Variants in DNAH7 observed in about 807,000 individuals in gnomAD.
The protein encoded by DNAH7 is axonemal beta dynein heavy chain 7.
Under a neutral mutation model 444.6 loss-of-function variants are expected in DNAH7, and 397 were observed. The ratio of observed to expected loss-of-function variants is 0.89; its 90% CI spans 0.82 to 0.97. DNAH7 has a LOEUF of 0.97. Ranked by LOEUF, DNAH7 falls within the 50% of genes least tolerant of loss-of-function variation. The pLI, the probability that DNAH7 is intolerant of heterozygous loss-of-function variation, is 0.00. For missense variants in DNAH7, 4,902 were observed against 4,800.8 expected (o/e 1.02, Z -0.62); for synonymous variants, 1,636 against 1,624.4 (o/e 1.01, Z -0.17).
chr2:196,001,031 A>G, intron 11 of DNAH7, 148 bp from the exon 12 acceptor site: 1 of 561,100 alleles, frequency 1.8e-6, no homozygotes, highest in Non-Finnish European at 2.9e-6. Context: ...TAATAAAAAG[A>G]GCAAGAGTGA....
chr2:195,807,249 T>A (rs1330153088), intron 53 of DNAH7, among the ~76,000 whole-genome samples: 2 of 151,998 alleles, frequency 1.3e-5, no homozygotes, highest in Non-Finnish European at 2.9e-5. Flanking sequence ...CTCTGCCTCC[T>A]GGGTTCAAGC....
chr2:195,890,995 G>A (rs1574681786), intron 31 of DNAH7, among the ~76,000 whole-genome samples: 1 of 152,308 alleles, frequency 6.6e-6, no homozygotes, highest in Middle Eastern at 3.4e-3. Context: ...ATAATCACAT[G>A]CTCTGCAGAA....
chr2:195,928,631 A>G (rs1159276560), intron 21 of DNAH7, among the ~76,000 whole-genome samples: 4 of 152,194 alleles, frequency 2.6e-5, no homozygotes, highest in South Asian at 2.1e-4. Context: ...AGATATATGC[A>G]TAAGTACATT....
intron 16 of DNAH7, among the ~76,000 whole-genome samples, chr2:195,971,555 G>T (rs114529215): frequency 0.017 from 2,584 of 152,212 alleles, 66 homozygotes; most frequent in African/African-American, 0.058. Context: ...TCAGAAAAAT[G>T]AATAGAGTGT....
chr2:195,857,758 T>C, intron 43 of DNAH7, 35 bp from the exon 44 acceptor site: 1 of 1,508,200 alleles, frequency 6.6e-7, no homozygotes. Context: ...TTAAAAGACA[T>C]GTTTGTTTAT....
At chr2:195,834,448 A>T (rs1370110947) in intron 47 of DNAH7, 88 bp from the exon 48 acceptor site, 1 of 1,369,758 alleles carries the variant, frequency 7.3e-7, no homozygotes, top group East Asian at 2.3e-5. Flanking sequence ...TCACTTTTTA[A>T]AAGTTTGCCC....
At chr2:195,949,988 G>A (rs932668732) in intron 19 of DNAH7, among the ~76,000 whole-genome samples, 1 of 152,174 alleles carries the variant, frequency 6.6e-6, no homozygotes, top group Non-Finnish European at 1.5e-5. Context: ...TTGATGTGCT[G>A]CTAGATTTGG....
In DNAH7 at chr2:195,771,801, G is replaced by T; in HGVS notation, c.11292C>A (p.Phe3764Leu). The change falls in exon 61 of 65, where the codon TTC becomes TTA. Residue 3764 changes from phenylalanine (F) to leucine (L), a missense_variant. Transcript: ENST00000312428. Reference sequence around the variant, plus strand: ...ACCTCCTCATGGCAGCCTCGATGTCGAAGTTGTTTGGAAGTTTGCCCAAGA... The same window carrying T: ...ACCTCCTCATGGCAGCCTCGATGTCTAAGTTGTTTGGAAGTTTGCCCAAGA... ...SDILGKLPNN[F>L]DIEAAMRRYP... 2.5e-6 allele frequency: 4 copies of T among 1,614,098 alleles called. No homozygotes were observed. Among genetic ancestry groups the T allele is most frequent in the Non-Finnish European group, 3.4e-6 (4 of 1,180,024 alleles).
At chr2:196,031,740 C>A (rs1696070522) in intron 5 of DNAH7, among the ~76,000 whole-genome samples, 1 of 152,202 alleles carries the variant, frequency 6.6e-6, no homozygotes, top group South Asian at 2.1e-4. Flanking sequence ...CAGTTCCCAA[C>A]AAGTTCCTCA....
intron 19 of DNAH7, among the ~76,000 whole-genome samples, chr2:195,955,994 C>T (rs1305047654): frequency 6.6e-6 from 1 of 152,010 alleles, no homozygotes; most frequent in East Asian, 1.9e-4. Flanking sequence ...ATTAATTTTA[C>T]AGAAGTTTGG....
chr2:195,748,379 A>G (rs936865793), intron 63 of DNAH7, among the ~76,000 whole-genome samples: 4 of 152,270 alleles, frequency 2.6e-5, no homozygotes, highest in African/African-American at 9.6e-5. Flanking sequence ...ATGGGTAGGA[A>G]GAATCAATAT....
chr2:196,005,295 C>A (rs1170699411), intron 10 of DNAH7, among the ~76,000 whole-genome samples: 22 of 143,320 alleles, frequency 1.5e-4, no homozygotes, highest in African/African-American at 4.8e-4. Context: ...AACAAACAAA[C>A]AAACAAACAA....
intron 5 of DNAH7, among the ~76,000 whole-genome samples, chr2:196,030,792 G>C (rs750705793): frequency 6.6e-5 from 10 of 152,258 alleles, no homozygotes; most frequent in Non-Finnish European, 1.0e-4. Flanking sequence ...CAAGAGGTGG[G>C]TTCCCATGGT....
At chr2:195,879,296 T>C (rs1701234610) in intron 36 of DNAH7, among the ~76,000 whole-genome samples, 1 of 152,148 alleles carries the variant, frequency 6.6e-6, no homozygotes, top group Non-Finnish European at 1.5e-5. Flanking sequence ...ATAGATCATG[T>C]AAATGAAAAC....
chr2:196,003,226 G>A (rs1183631173), intron 10 of DNAH7, among the ~76,000 whole-genome samples: 1 of 149,886 alleles, frequency 6.7e-6, no homozygotes, highest in African/African-American at 2.4e-5. Context: ...CAAAGTGGAA[G>A]AATTATAAAG....
chr2:195,968,241 CAG>C (rs1199917896), intron 17 of DNAH7, among the ~76,000 whole-genome samples: 3 of 152,062 alleles, frequency 2.0e-5, no homozygotes, highest in Admixed American at 6.6e-5. Flanking sequence ...CAGCATGTAT[CAG>C]AGTCTCACCT....
intron 60 of DNAH7, among the ~76,000 whole-genome samples, chr2:195,773,487 G>A (rs1694935612): frequency 6.6e-6 from 1 of 150,818 alleles, no homozygotes; most frequent in African/African-American, 2.4e-5. Flanking sequence ...ATTTAATAAC[G>A]CAAACATTCC....
chr2:195,970,121 T>C (rs768923923), intron 16 of DNAH7, 27 bp from the exon 17 acceptor site: 60 of 1,571,992 alleles, frequency 3.8e-5, no homozygotes, highest in Non-Finnish European at 5.1e-5. Context: ...GTTGTTAATA[T>C]TCTTAAAAGT....
chr2:195,838,787 C>T (rs780228549), intron 47 of DNAH7, among the ~76,000 whole-genome samples: 4 of 151,732 alleles, frequency 2.6e-5, no homozygotes, highest in South Asian at 4.1e-4. Context: ...GCTGTACTGG[C>T]GATAGTATAT....
Sources: gnomAD v4.1 joint callset for allele counts (sites outside exome capture counted in the v4.1 genomes callset) on GRCh38, gnomAD v4.1.1 for gene constraint, MANE v1.5 for transcripts, NCBI Gene and HGNC (gene_info 2026-07-23, HGNC 2026-07-21) for gene names.